The following NT5DC3 variants were observed in gnomAD, a reference collection of about 807,000 sequenced individuals.
NT5DC3 encodes the protein 5'-nucleotidase domain containing 3, also known as 5'-nucleotidase domain-containing protein 3.
Under a neutral mutation model 67.8 loss-of-function variants are expected in NT5DC3, and 42 were observed. The observed-to-expected ratio is 0.62, with a 90% confidence interval of 0.48 to 0.80. NT5DC3 has a LOEUF of 0.80. Among genes scored for constraint, NT5DC3 ranks in the 30% least tolerant of loss-of-function variants. The pLI, the probability that NT5DC3 is intolerant of heterozygous loss-of-function variation, is 0.00. For synonymous variants in NT5DC3, 237 were observed against 255.6 expected (o/e 0.93, Z 0.69); for missense variants, 570 against 696.4 (o/e 0.82, Z 2.04).
chr12:103,787,323 G>T (rs934829297), intron 11 of NT5DC3, 118 bp downstream of exon 11: 16 of 464,240 alleles, frequency 3.4e-5, no homozygotes, highest in South Asian at 8.2e-5. Context: ...GCATAAAGAT[G>T]ACCTTAAATA....
the NT5DC3 span, chr12:103,758,400 C>G: frequency 4.6e-6 from 7 of 1,526,242 alleles, no homozygotes; most frequent in Non-Finnish European, 6.2e-6. Flanking sequence ...TTATTTAGCT[C>G]ACAGATCATC....
intron 2 of NT5DC3, 23 bp from the exon 3 acceptor site, chr12:103,806,952 G>A (rs371294792): frequency 6.9e-7 from 1 of 1,447,298 alleles, no homozygotes; most frequent in African/African-American, 1.4e-5. Flanking sequence ...AAAGGAACTG[G>A]TTTTAGCCAA....
At chr12:103,840,228 C>A (rs1888322360) in intron 1 of NT5DC3, among the ~76,000 whole-genome samples, 1 of 152,150 alleles carries the variant, frequency 6.6e-6, no homozygotes, top group African/African-American at 2.4e-5. Context: ...TTTATTAGTT[C>A]ATTAGTAGTA....
chr12:103,800,510 G>A (rs1360316229), intron 4 of NT5DC3, among the ~76,000 whole-genome samples: 1 of 152,236 alleles, frequency 6.6e-6, no homozygotes, highest in Non-Finnish European at 1.5e-5. Context: ...CCCTTTGGAA[G>A]CCACTGCTGC....
At chr12:103,768,986 ACAG>A (rs1340762308), downstream of NT5DC3, 2 of 152,148 alleles carry the variant, frequency 1.3e-5, no homozygotes, top group Non-Finnish European at 2.9e-5. Flanking sequence ...GAGTGCACCT[ACAG>A]CAGATTTCCT....
rs1302332500 is a variant in NT5DC3 at position 103,793,456 on chromosome 12, G to C, written c.871C>G (p.His291Asp). The C allele has an allele frequency of 6.2e-7, 1 of 1,614,196 alleles. No individual in the cohort carries two copies. Among genetic ancestry groups the C allele is most frequent in the East Asian group, 2.2e-5 (1 of 44,888 alleles). The change falls in exon 8 of 14, where the codon CAT becomes GAT. Residue 291 changes from histidine to aspartate, a missense_variant. Around this residue, in one of 2 missense-constraint regions of NT5DC3, gnomAD observed 466 missense variants for 608.0 expected, o/e 0.77. Coordinates refer to ENST00000392876, the MANE Select transcript of NT5DC3 (RefSeq NM_001031701.3). ...GTGATGAGAAACATCTTCTTGCCAT[G>C]ATCAGCCAGTTTGGCCAACACTGCG... ...TRAVLAKLAD[H>D]GKKMFLITNS...
At chr12:103,790,674 G>A (rs981452982) in intron 9 of NT5DC3, among the ~76,000 whole-genome samples, 1 of 148,348 alleles carries the variant, frequency 6.7e-6, no homozygotes, top group Admixed American at 6.8e-5. Context: ...GTGAGCCACG[G>A]CACCCCGGCC....
intron 1 of NT5DC3, among the ~76,000 whole-genome samples, chr12:103,826,508 TACAA>T (rs1253930580): frequency 1.3e-5 from 2 of 152,226 alleles, no homozygotes; most frequent in Non-Finnish European, 2.9e-5. Context: ...TGCAAGGGGC[TACAA>T]ACAATGTGGG....
At chr12:103,803,289 T>C (rs1408509025) in intron 4 of NT5DC3, among the ~76,000 whole-genome samples, 1 of 152,166 alleles carries the variant, frequency 6.6e-6, no homozygotes, top group Non-Finnish European at 1.5e-5. Flanking sequence ...CTTTAAAATA[T>C]AAGTTAAAAG....
At chr12:103,795,874 T>C (rs1886290270) in intron 6 of NT5DC3, among the ~76,000 whole-genome samples, 1 of 152,206 alleles carries the variant, frequency 6.6e-6, no homozygotes, top group South Asian at 2.1e-4. Context: ...TCTTAGAAAC[T>C]GCAACTCTAT....
chr12:103,749,290 T>C, the NT5DC3 span: 4 of 1,051,288 alleles, frequency 3.8e-6, no homozygotes, highest in Non-Finnish European at 2.6e-6. Flanking sequence ...CTGTTTCTTG[T>C]TAAAAGTCAT....
intron 1 of NT5DC3, among the ~76,000 whole-genome samples, chr12:103,838,501 G>T (rs139010146): frequency 6.6e-6 from 1 of 152,250 alleles, no homozygotes; most frequent in East Asian, 1.9e-4. Flanking sequence ...CCATAAATCA[G>T]GATGGCAAAA....
At chr12:103,768,087 CAAAAAA>C (rs34935949), downstream of NT5DC3, among the ~76,000 whole-genome samples, 3 of 87,220 alleles carry the variant, frequency 3.4e-5, no homozygotes, top group Admixed American at 1.3e-4. Context: ...GACTCCTTCT[CAAAAAA>C]AAAAAAAAAA....
intron 1 of NT5DC3, among the ~76,000 whole-genome samples, chr12:103,820,151 C>T (rs1422739604): frequency 6.6e-6 from 1 of 152,240 alleles, no homozygotes; most frequent in African/African-American, 2.4e-5. Flanking sequence ...ATTTGTCAAT[C>T]AACAGGCCAT....
chr12:103,840,303 C>CATT (rs1440031772), intron 1 of NT5DC3, among the ~76,000 whole-genome samples: 3 of 152,118 alleles, frequency 2.0e-5, no homozygotes, highest in African/African-American at 7.2e-5. Flanking sequence ...GCCTTAGAAT[C>CATT]CCCTCCTCAC....
the NT5DC3 span, among the ~76,000 whole-genome samples, chr12:103,764,835 T>A: frequency 6.6e-6 from 1 of 152,090 alleles, no homozygotes; most frequent in Non-Finnish European, 1.5e-5. Context: ...CAGTGGCTCA[T>A]GCGTGTAATC....
In NT5DC3 at chr12:103,806,876, T is replaced by C. The variant is rs779940485; in HGVS notation, c.447A>G (p.Gly149=). 1.2e-6 allele frequency: 2 copies of C among 1,606,652 alleles called. No individual in the cohort carries two copies. Among genetic ancestry groups the C allele is most frequent in the South Asian group, 2.2e-5 (2 of 90,910 alleles). The change falls in exon 3 of 14, where the codon GGA becomes GGG. Residue 149 remains glycine, a synonymous_variant. Coordinates refer to ENST00000392876, the MANE Select transcript of NT5DC3 (RefSeq NM_001031701.3). ...YEYDPNFAIR[G]LHYDVQRAVL... ...CTACCCGCTGTACATCATAATGAAG[T>C]CCACGAATTGCAAAATTTGGGTCAT... is the stretch of plus-strand genomic sequence containing the variant.
intron 2 of NT5DC3, among the ~76,000 whole-genome samples, chr12:103,808,321 AGCATAGACCT>A (rs1886890050): frequency 6.6e-6 from 1 of 152,346 alleles, no homozygotes; most frequent in South Asian, 2.1e-4. Flanking sequence ...CTGCCCTCGG[AGCATAGACCT>A]GCAGGACAGA....
the NT5DC3 span, among the ~76,000 whole-genome samples, chr12:103,756,504 C>T: frequency 6.6e-6 from 1 of 152,216 alleles, no homozygotes; most frequent in Non-Finnish European, 1.5e-5. Flanking sequence ...AGGACTAAAT[C>T]CTCCTGCAAC....
Sources: gnomAD v4.1 joint callset for allele counts (sites outside exome capture counted in the v4.1 genomes callset) on GRCh38, gnomAD v4.1.1 for gene constraint, gnomAD v4.1.1 regional missense constraint, MANE v1.5 for transcripts, NCBI Gene and HGNC (gene_info 2026-07-23, HGNC 2026-07-21) for gene names.